The following GPC5 variants were observed in gnomAD, a reference collection of about 807,000 sequenced individuals.
The protein encoded by GPC5 is glypican-5.
In GPC5, 47 loss-of-function variants were observed where a neutral mutation model predicts 53.9. The ratio of observed to expected loss-of-function variants is 0.87; its 90% CI spans 0.69 to 1.11. The LOEUF is 1.11. Among genes scored for constraint, GPC5 ranks in the 50% most tolerant of loss-of-function variants. The pLI is 0.00. For synonymous variants in GPC5, 286 were observed against 263.3 expected, an observed-to-expected ratio of 1.09 and a Z score of -0.84; for missense variants, 748 against 713.1, an observed-to-expected ratio of 1.05 and a Z score of -0.56.
intron 6 of GPC5, among the ~76,000 whole-genome samples, chr13:92,047,913 C>T (rs1297116163): frequency 6.6e-6 from 1 of 151,176 alleles, no homozygotes; most frequent in Non-Finnish European, 1.5e-5. Flanking sequence ...ATCGCTTGAA[C>T]CTGGAAGGCA....
intron 7 of GPC5, among the ~76,000 whole-genome samples, chr13:92,411,410 G>A (rs1191951516): frequency 6.6e-6 from 1 of 152,156 alleles, no homozygotes; most frequent in Non-Finnish European, 1.5e-5. Flanking sequence ...GTTAAAGATT[G>A]ACTCCACACT....
chr13:91,648,955 C>T (rs1401572548), intron 2 of GPC5, among the ~76,000 whole-genome samples: 1 of 152,132 alleles, frequency 6.6e-6, no homozygotes, highest in Non-Finnish European at 1.5e-5. Flanking sequence ...TTCCCATAAT[C>T]CCCATGTGTC....
At chr13:92,669,589 C>G (rs1886680833) in intron 7 of GPC5, among the ~76,000 whole-genome samples, 1 of 152,154 alleles carries the variant, frequency 6.6e-6, no homozygotes, top group African/African-American at 2.4e-5. Context: ...GGCTACCTCA[C>G]TTTCCTCACA....
chr13:92,833,073 T>C (rs544585055), intron 7 of GPC5, among the ~76,000 whole-genome samples: 2 of 152,102 alleles, frequency 1.3e-5, no homozygotes, highest in Non-Finnish European at 2.9e-5. Context: ...AACAATGAAG[T>C]AGAGACTACT....
At chr13:92,803,307 C>T (rs1876976400) in intron 7 of GPC5, among the ~76,000 whole-genome samples, 1 of 151,956 alleles carries the variant, frequency 6.6e-6, no homozygotes, top group Non-Finnish European at 1.5e-5. Context: ...ATACCACTGA[C>T]TATTACACCC....
chr13:91,632,586 AC>A (rs2034186410), intron 2 of GPC5, among the ~76,000 whole-genome samples: 1 of 152,134 alleles, frequency 6.6e-6, no homozygotes, highest in Non-Finnish European at 1.5e-5. Flanking sequence ...GCACTGCCCT[AC>A]CTGTGTTAGA....
chr13:92,381,358 A>T (rs1326451620), intron 7 of GPC5, among the ~76,000 whole-genome samples: 1 of 152,188 alleles, frequency 6.6e-6, no homozygotes, highest in Non-Finnish European at 1.5e-5. Context: ...AGTGATGTTA[A>T]ATGGATAGAT....
Position 92,077,753 on chromosome 13 carries a change from C to T in GPC5, c.1402-67077C>T, listed in dbSNP as rs141334070. 8.7e-4 allele frequency among the ~76,000 whole-genome samples: 133 copies of T among 152,038 alleles called. 1 individual carries two copies. The highest frequency in any genetic ancestry group is 6.5e-4 in the African/African-American group (27 of 41,466). On this transcript the variant is annotated intron_variant, in intron 6 of 7. Coordinates refer to ENST00000377067, the MANE Select transcript of GPC5 (RefSeq NM_004466.6). ...TGGATAAGAGAGCAAAGGAAGAAGT[C>T]CTAAATTGAGGAGAAACTGTCCTTT... is the stretch of plus-strand genomic sequence containing the variant.
intron 5 of GPC5, among the ~76,000 whole-genome samples, chr13:91,870,692 G>A (rs985693853): frequency 1.3e-5 from 2 of 152,128 alleles, no homozygotes; most frequent in Non-Finnish European, 2.9e-5. Flanking sequence ...AATGTGCTCA[G>A]GAAGAATTAA....
intron 7 of GPC5, among the ~76,000 whole-genome samples, chr13:92,256,344 A>G (rs1165939412): frequency 6.6e-6 from 1 of 152,022 alleles, no homozygotes; most frequent in African/African-American, 2.4e-5. Context: ...TAGGATAGAT[A>G]TACTTTAATA....
chr13:91,712,248 G>T (rs1324384389), intron 3 of GPC5, among the ~76,000 whole-genome samples: 2 of 151,546 alleles, frequency 1.3e-5, no homozygotes, highest in Non-Finnish European at 2.9e-5. Context: ...CCATTAAGAT[G>T]GATTCTCTAG....
At chr13:91,563,332 A>T (rs1191685641) in intron 2 of GPC5, among the ~76,000 whole-genome samples, 1 of 152,178 alleles carries the variant, frequency 6.6e-6, no homozygotes, top group Non-Finnish European at 1.5e-5. Context: ...ATAAGAAAAA[A>T]TAATATCGGG....
At chr13:91,771,816 TCTTA>T (rs1379785842) in intron 5 of GPC5, among the ~76,000 whole-genome samples, 2 of 152,210 alleles carry the variant, frequency 1.3e-5, no homozygotes, top group African/African-American at 2.4e-5. Flanking sequence ...AGATATGATA[TCTTA>T]CTTCAGAACA....
intron 6 of GPC5, among the ~76,000 whole-genome samples, chr13:91,946,939 G>A (rs776255460): frequency 3.3e-5 from 5 of 152,106 alleles, no homozygotes; most frequent in South Asian, 2.1e-4. Flanking sequence ...AATGACCTGA[G>A]ATGTTTGAAT....
chr13:92,484,003 T>C (rs1294630424), intron 7 of GPC5, among the ~76,000 whole-genome samples: 1 of 152,122 alleles, frequency 6.6e-6, no homozygotes, highest in African/African-American at 2.4e-5. Context: ...CCAGGTATAA[T>C]GGCATGCACA....
rs869169116 is a variant in GPC5, at chr13:92,579,298, TCTCC to T, written c.1562-286960_1562-286957del. ...CCCTCTCTCTCTCTCTCTCTCTCTC[TCTCC>T]CTCCCTCCCTCCCTCCCTCCCTCTC... On this transcript the variant is annotated intron_variant, in intron 7 of 7. Transcript: ENST00000377067. 1.4e-3 allele frequency among the ~76,000 whole-genome samples: 89 copies of T among 61,640 alleles called. 4 individuals are homozygous for T. Among genetic ancestry groups the T allele is most frequent in the African/African-American group, 4.0e-3 (44 of 10,934 alleles). The allele number at this position is 61,640 out of a possible 152,430, so 40.4% of individuals were successfully genotyped here.
chr13:92,277,388 A>G (rs1594059859), intron 7 of GPC5, among the ~76,000 whole-genome samples: 1 of 152,168 alleles, frequency 6.6e-6, no homozygotes, highest in East Asian at 1.9e-4. Context: ...AGAATTATTT[A>G]AAAGAAAGGC....
chr13:92,188,191 T>TA (rs529398874), intron 7 of GPC5, among the ~76,000 whole-genome samples: 109 of 152,314 alleles, frequency 7.2e-4, no homozygotes, highest in Middle Eastern at 3.4e-3. Context: ...ACCTGATTTT[T>TA]AAAAAAATTC....
chr13:92,696,565 T>A (rs1469665535), intron 7 of GPC5, among the ~76,000 whole-genome samples: 3 of 152,174 alleles, frequency 2.0e-5, no homozygotes, highest in Non-Finnish European at 4.4e-5. Context: ...TCTTGTAAAT[T>A]TGTGTAAGTT....
Sources: allele counts gnomAD v4.1 joint callset (sites outside exome capture counted in the v4.1 genomes callset), GRCh38; gene constraint gnomAD v4.1.1; transcripts MANE v1.5; gene names NCBI Gene and HGNC (gene_info 2026-07-23, HGNC 2026-07-21).